The following DLG2 variants were observed in gnomAD, a reference collection of about 807,000 sequenced individuals.
DLG2 encodes discs large MAGUK scaffold protein 2.
Under a neutral mutation model 132.5 loss-of-function variants are expected in DLG2, and 45 were observed. The observed-to-expected ratio is 0.34, with a 90% CI of 0.27 to 0.44. The LOEUF (loss-of-function observed/expected upper bound fraction) is 0.44. Ranked by LOEUF, DLG2 falls within the 20% of genes least tolerant of loss-of-function variation. The pLI is 1.00. For synonymous variants in DLG2, 424 were observed against 419.6 expected (o/e 1.01, Z -0.13); for missense variants, 1,045 against 1,196.9 (o/e 0.87, Z 1.87).
chr11:84,411,527 T>C (rs921454873), intron 7 of DLG2, among the ~76,000 whole-genome samples: 1 of 152,022 alleles, frequency 6.6e-6, no homozygotes, highest in Non-Finnish European at 1.5e-5. Context: ...ATGACTCTGT[T>C]ACTATTTAAG....
intron 18 of DLG2, among the ~76,000 whole-genome samples, chr11:83,664,027 CT>C (rs1392458233): frequency 2.0e-5 from 3 of 152,126 alleles, no homozygotes; most frequent in Non-Finnish European, 2.9e-5. Context: ...TTTCTGTGAC[CT>C]GTTTTTTCAT....
At chr11:84,006,331 G>T (rs1197335819) in intron 11 of DLG2, among the ~76,000 whole-genome samples, 3 of 151,556 alleles carry the variant, frequency 2.0e-5, no homozygotes, top group Non-Finnish European at 4.4e-5. Flanking sequence ...GTTAATGGGT[G>T]CAAATACACT....
At chr11:85,127,439 G>A (rs2075263530) in intron 5 of DLG2, among the ~76,000 whole-genome samples, 1 of 151,964 alleles carries the variant, frequency 6.6e-6, no homozygotes, top group Admixed American at 6.6e-5. Context: ...AGGTATCCCT[G>A]TATCCCTATC....
At chr11:83,910,191 T>G (rs66695319) in intron 15 of DLG2, among the ~76,000 whole-genome samples, 30,550 of 152,110 alleles carry the variant, frequency 0.2, 3,354 homozygotes, top group Non-Finnish European at 0.26. Context: ...GCTGCTGAGC[T>G]CTGTAATAGA....
chr11:84,930,749 C>T (rs1244145082), intron 6 of DLG2, among the ~76,000 whole-genome samples: 2 of 152,158 alleles, frequency 1.3e-5, no homozygotes, highest in East Asian at 1.9e-4. Flanking sequence ...TTTCTCTCTT[C>T]GTGATCCTCC....
intron 3 of DLG2, among the ~76,000 whole-genome samples, chr11:85,514,267 C>A (rs1182776603): frequency 6.6e-6 from 1 of 151,940 alleles, no homozygotes; most frequent in Non-Finnish European, 1.5e-5. Context: ...TGTAAGGCTC[C>A]TGGTAGTTAA....
intron 3 of DLG2, among the ~76,000 whole-genome samples, chr11:85,484,468 T>C (rs573957898): frequency 1.3e-5 from 2 of 150,872 alleles, no homozygotes; most frequent in Non-Finnish European, 3.0e-5. Context: ...AAAGGGCTAA[T>C]ATCCAGAATC....
chr11:84,845,427 A>G (rs1214856505), intron 6 of DLG2, among the ~76,000 whole-genome samples: 1 of 152,144 alleles, frequency 6.6e-6, no homozygotes, highest in Non-Finnish European at 1.5e-5. Flanking sequence ...ACAGAGGACA[A>G]AGACAATAAA....
intron 7 of DLG2, among the ~76,000 whole-genome samples, chr11:84,261,177 A>C (rs1372950715): frequency 6.6e-6 from 1 of 152,196 alleles, no homozygotes; most frequent in Non-Finnish European, 1.5e-5. Context: ...TCTGTAGTAC[A>C]TGGATAATGG....
intron 7 of DLG2, among the ~76,000 whole-genome samples, chr11:84,477,678 T>A (rs1437190009): frequency 6.6e-6 from 1 of 152,186 alleles, no homozygotes; most frequent in Non-Finnish European, 1.5e-5. Flanking sequence ...GAGAGCCTAT[T>A]CAAATAATAT....
chr11:84,972,321 A>C (rs2054219325), intron 6 of DLG2, among the ~76,000 whole-genome samples: 1 of 152,168 alleles, frequency 6.6e-6, no homozygotes, highest in African/African-American at 2.4e-5. Flanking sequence ...ATAAAAAAAA[A>C]CTGAGTCTTT....
chr11:84,080,885 A>G (rs958595592), intron 10 of DLG2, among the ~76,000 whole-genome samples: 1 of 151,764 alleles, frequency 6.6e-6, no homozygotes, highest in African/African-American at 2.4e-5. Flanking sequence ...CCAGCTTCTC[A>G]GGAGGCTGAG....
intron 6 of DLG2, among the ~76,000 whole-genome samples, chr11:84,862,137 GTAAC>G (rs1380471307): frequency 1.3e-5 from 2 of 151,964 alleles, no homozygotes; most frequent in Admixed American, 1.3e-4. Flanking sequence ...GTATACACAT[GTAAC>G]TAACCTGCAC....
At chr11:85,436,871 T>A (rs368523958) in intron 3 of DLG2, among the ~76,000 whole-genome samples, 3 of 152,196 alleles carry the variant, frequency 2.0e-5, no homozygotes, top group African/African-American at 7.2e-5. Flanking sequence ...TGCAGCACTG[T>A]TCACAATAGC....
intron 4 of DLG2, among the ~76,000 whole-genome samples, chr11:85,195,832 GT>G (rs1484419243): frequency 6.6e-6 from 1 of 152,016 alleles, no homozygotes; most frequent in Non-Finnish European, 1.5e-5. Context: ...GGCCGACAGT[GT>G]TTTAAATAAT....
At chr11:84,289,672 G>A (rs1189882446) in intron 7 of DLG2, among the ~76,000 whole-genome samples, 1 of 152,128 alleles carries the variant, frequency 6.6e-6, no homozygotes, top group East Asian at 1.9e-4. Context: ...AGAAAGAGAG[G>A]ATTCCTAGGC....
chr11:84,455,671 A>T (rs2154483180), intron 7 of DLG2, among the ~76,000 whole-genome samples: 1 of 151,584 alleles, frequency 6.6e-6, no homozygotes, highest in Middle Eastern at 3.4e-3. Context: ...AGGATCATAC[A>T]TACAACACAT....
At chr11:83,644,299 T>G (rs1008618420) in intron 18 of DLG2, among the ~76,000 whole-genome samples, 1 of 152,148 alleles carries the variant, frequency 6.6e-6, no homozygotes, top group Admixed American at 6.6e-5. Flanking sequence ...GATAAGAAAG[T>G]GAACCAGCCA....
intron 6 of DLG2, among the ~76,000 whole-genome samples, chr11:84,604,312 A>G (rs2099581729): frequency 6.6e-6 from 1 of 151,910 alleles, no homozygotes; most frequent in African/African-American, 2.4e-5. Flanking sequence ...GAGAGAGAAG[A>G]ATATATTAAG....
Sources: gnomAD v4.1 joint callset for allele counts (sites outside exome capture counted in the v4.1 genomes callset) on GRCh38, gnomAD v4.1.1 for gene constraint, MANE v1.5 for transcripts, NCBI Gene and HGNC (gene_info 2026-07-23, HGNC 2026-07-21) for gene names.